NPSR1: variants seen among roughly 807,000 people sequenced by gnomAD.
NPSR1 encodes neuropeptide S receptor.
NPSR1 carries 48 observed loss-of-function variants against 46.9 expected under a neutral mutation model. That is an observed-to-expected ratio of 1.02 (90% CI 0.81 to 1.30). The LOEUF is 1.30. Among genes scored for constraint, NPSR1 ranks in the 50% most tolerant of loss-of-function variants. The pLI is 0.00. For missense variants in NPSR1, 450 were observed against 449.5 expected (o/e 1.00, Z -0.01); for synonymous variants, 176 against 168.1 (o/e 1.05, Z -0.36).
chr7:34,669,019 A>G (rs1396429191), intron 1 of NPSR1, among the ~76,000 whole-genome samples: 1 of 152,174 alleles, frequency 6.6e-6, no homozygotes, highest in Non-Finnish European at 1.5e-5. Context: ...CTCTGAGAAG[A>G]TAAGTTCACA....
At chr7:34,773,974 C>T (rs1448394827) in intron 2 of NPSR1, among the ~76,000 whole-genome samples, 2 of 152,172 alleles carry the variant, frequency 1.3e-5, no homozygotes, top group Admixed American at 6.6e-5. Context: ...CTCTTGTTTC[C>T]AATCTCCAAG....
chr7:34,697,259 T>C (rs1793577705), intron 2 of NPSR1, among the ~76,000 whole-genome samples: 1 of 151,940 alleles, frequency 6.6e-6, no homozygotes, highest in Admixed American at 6.6e-5. Flanking sequence ...TAGTTAAAGA[T>C]GTTAAAGTCC....
intron 2 of NPSR1, among the ~76,000 whole-genome samples, chr7:34,740,308 AC>A (rs1784879654): frequency 6.6e-6 from 1 of 151,658 alleles, no homozygotes; most frequent in South Asian, 2.1e-4. Flanking sequence ...AGGGCTGAGA[AC>A]CTGTCCCAGG....
chr7:34,717,253 C>T (rs933845261), intron 2 of NPSR1, among the ~76,000 whole-genome samples: 1 of 152,230 alleles, frequency 6.6e-6, no homozygotes, highest in African/African-American at 2.4e-5. Context: ...CTGCCTCAGC[C>T]TCCCGAGTAG....
chr7:34,844,792 T>C (rs1350664329), intron 6 of NPSR1, 104 bp from the exon 7 acceptor site: 3 of 795,576 alleles, frequency 3.8e-6, no homozygotes, highest in African/African-American at 3.4e-5. Flanking sequence ...ATGCACAGGA[T>C]ATAAGTGAAA....
chr7:34,869,975 G>A (rs1791411982), intron 8 of NPSR1, among the ~76,000 whole-genome samples: 1 of 151,746 alleles, frequency 6.6e-6, no homozygotes, highest in African/African-American at 2.4e-5. Context: ...GCAGACACTA[G>A]GCTTTTTCTT....
intron 2 of NPSR1, among the ~76,000 whole-genome samples, chr7:34,700,161 G>C (rs143940419): frequency 1.2e-4 from 19 of 152,270 alleles, no homozygotes; most frequent in Non-Finnish European, 2.2e-4. Context: ...GAAGCTCAAG[G>C]AACCGGAGGT....
At chr7:34,662,985 C>A (rs530924177) in intron 1 of NPSR1, among the ~76,000 whole-genome samples, 12 of 151,642 alleles carry the variant, frequency 7.9e-5, no homozygotes, top group Admixed American at 2.0e-4. Context: ...AGAGTTTTCA[C>A]ATTTTCTGGC....
At chr7:34,683,195 G>A (rs984205595) in intron 1 of NPSR1, among the ~76,000 whole-genome samples, 5 of 152,106 alleles carry the variant, frequency 3.3e-5, no homozygotes, top group African/African-American at 9.7e-5. Context: ...TATAATCCCA[G>A]CACTTTGGGA....
At chr7:34,665,139 G>A (rs1398606694) in intron 1 of NPSR1, among the ~76,000 whole-genome samples, 1 of 152,160 alleles carries the variant, frequency 6.6e-6, no homozygotes, top group Non-Finnish European at 1.5e-5. Context: ...AAAAGAAAGA[G>A]AATTCTGAGC....
At position 34,833,739 on chromosome 7, in the gene NPSR1, G is replaced by T. The variant is rs552696082; in HGVS notation, c.681-645G>T. On this transcript the variant is annotated intron_variant, in intron 5 of 8. Transcript: ENST00000360581. ...TTCAAGTTGTTTATCCAGGGCAGGG[G>T]TCATCAGAGGCTGGACTGGGAGAGG... 2.0e-5 allele frequency among the ~76,000 whole-genome samples: 3 copies of T among 152,344 alleles called. No homozygotes were observed. The South Asian group carries it at 6.2e-4, about 32-fold the overall frequency.
At chr7:34,836,131 TC>T (rs1790358628) in intron 6 of NPSR1, among the ~76,000 whole-genome samples, 1 of 152,118 alleles carries the variant, frequency 6.6e-6, no homozygotes, top group South Asian at 2.1e-4. Flanking sequence ...CCCATGCAGA[TC>T]CTAGTGCTTC....
intron 3 of NPSR1, among the ~76,000 whole-genome samples, chr7:34,794,685 T>C (rs760977073): frequency 6.6e-6 from 1 of 152,122 alleles, no homozygotes; most frequent in South Asian, 2.1e-4. Context: ...TCTAACTCAT[T>C]GTATAAGGTC....
intron 2 of NPSR1, among the ~76,000 whole-genome samples, chr7:34,731,684 A>G (rs1350026731): frequency 6.6e-6 from 1 of 152,228 alleles, no homozygotes; most frequent in Non-Finnish European, 1.5e-5. Flanking sequence ...TGCATCTTTC[A>G]GTAGCACAAA....
intron 2 of NPSR1, among the ~76,000 whole-genome samples, chr7:34,732,747 G>A (rs1435258297): frequency 6.6e-6 from 1 of 152,182 alleles, no homozygotes; most frequent in Admixed American, 6.5e-5. Context: ...CACTAAACAA[G>A]CAAATGAGGC....
intron 1 of NPSR1, among the ~76,000 whole-genome samples, chr7:34,678,800 T>C (rs1792464992): frequency 6.9e-6 from 1 of 144,572 alleles, no homozygotes; most frequent in Non-Finnish European, 1.5e-5. Flanking sequence ...CACTCCAGCC[T>C]GGGTGACAGA....
At chr7:34,791,069 AT>A (rs1562730778) in intron 3 of NPSR1, among the ~76,000 whole-genome samples, 19 of 120,348 alleles carry the variant, frequency 1.6e-4, no homozygotes, top group Middle Eastern at 8.9e-3. Flanking sequence ...TATATATTAT[AT>A]TATATATGTT....
chr7:34,708,093 C>G lies in NPSR1; in HGVS notation c.280+23409C>G, dbSNP rs1583852199. On this transcript the variant is annotated intron_variant, in intron 2 of 8. Transcript: ENST00000360581. The stretch of plus-strand genomic sequence containing the variant: ...TTTTCTTCATTATCTCTTTAAAGTC[C>G]CTATCTCTAAGCATGTCACATTGTG... Among the ~76,000 whole-genome samples, 3 of 151,932 alleles carry G rather than the reference C, an allele frequency of 2.0e-5. No homozygotes were observed. The South Asian group carries it at 6.2e-4, about 32-fold the overall frequency.
intron 3 of NPSR1, among the ~76,000 whole-genome samples, chr7:34,797,714 T>C (rs1484412425): frequency 1.3e-5 from 2 of 151,918 alleles, no homozygotes; most frequent in East Asian, 3.9e-4. Flanking sequence ...TCAGAAAAAA[T>C]GTACCTCTAG....
Sources: gnomAD v4.1 joint callset for allele counts (sites outside exome capture counted in the v4.1 genomes callset) on GRCh38, gnomAD v4.1.1 for gene constraint, MANE v1.5 for transcripts, NCBI Gene and HGNC (gene_info 2026-07-23, HGNC 2026-07-21) for gene names.